The following TMEM108 variants were observed in gnomAD, a reference collection of about 807,000 sequenced individuals.
TMEM108 encodes the protein cancer/testis antigen 124.
In TMEM108, 12 loss-of-function variants were observed where a neutral mutation model predicts 35.1. The ratio of observed to expected loss-of-function variants is 0.34; its 90% CI spans 0.22 to 0.55. The LOEUF is 0.55. Ranked by LOEUF, TMEM108 falls within the 20% of genes least tolerant of loss-of-function variation. The pLI is 0.89. For synonymous variants in TMEM108, 287 were observed against 308.6 expected (o/e 0.93, Z 0.73); for missense variants, 680 against 753.3 (o/e 0.90, Z 1.14).
intron 3 of TMEM108, among the ~76,000 whole-genome samples, chr3:133,239,062 A>T (rs1946277990): frequency 6.6e-6 from 1 of 152,192 alleles, no homozygotes; most frequent in Non-Finnish European, 1.5e-5. Flanking sequence ...GTCCTGGCAT[A>T]CCACAAATTA....
rs768225665 is a variant in TMEM108 at position 133,380,439 on chromosome 3, G to A, written c.728G>A (p.Gly243Asp). The A allele has an allele frequency of 1.9e-6, 3 of 1,614,018 alleles. No individual in the cohort carries two copies. Among genetic ancestry groups the A allele is most frequent in the Non-Finnish European group, 1.7e-6 (2 of 1,179,972 alleles). ...CTCACCCCCAGGACCCCACTCTGGG[G>A]CTACTCCTCTTCACCACAGCCCCAG... The part of the protein sequence containing the change: ...STLTPRTPLW[G>D]YSSSPQPQTV... Residue 243 changes from glycine to aspartate, a missense_variant, in exon 4 of 6, where the codon GGC becomes GAC. Physicochemically the swap from Gly to Asp is moderately conservative, Grantham distance 94 (BLOSUM62 -1). Coordinates refer to ENST00000321871, the MANE Select transcript of TMEM108 (RefSeq NM_023943.4). This position sits in a 1 kb window ranked among gnomAD's most constrained non-coding sequence, Gnocchi z 5.3.
intron 3 of TMEM108, among the ~76,000 whole-genome samples, chr3:133,263,167 G>T (rs982930383): frequency 7.9e-5 from 12 of 152,192 alleles, no homozygotes; most frequent in African/African-American, 2.9e-4. Context: ...GAACTGGAAA[G>T]CTTTTACTTT....
chr3:133,263,365 CTTTG>C (rs1463386603), intron 3 of TMEM108, among the ~76,000 whole-genome samples: 1 of 152,144 alleles, frequency 6.6e-6, no homozygotes. Flanking sequence ...TTCTAGTATA[CTTTG>C]TTTGGGACTG....
intron 2 of TMEM108, among the ~76,000 whole-genome samples, chr3:133,101,924 A>G (rs1944093598): frequency 6.6e-6 from 1 of 152,082 alleles, no homozygotes. Flanking sequence ...GTTATGATTT[A>G]TTTTCCAGTC....
intron 2 of TMEM108, among the ~76,000 whole-genome samples, chr3:133,102,103 G>A (rs1233590464): frequency 6.6e-6 from 1 of 152,104 alleles, no homozygotes; most frequent in African/African-American, 2.4e-5. Flanking sequence ...AGCACAACTC[G>A]CACAAACATA....
intron 2 of TMEM108, among the ~76,000 whole-genome samples, chr3:133,128,398 C>T (rs937352600): frequency 1.3e-5 from 2 of 152,102 alleles, no homozygotes; most frequent in Admixed American, 6.5e-5. Context: ...TTTGACCTGT[C>T]GAATCATTTT....
intron 2 of TMEM108, among the ~76,000 whole-genome samples, chr3:133,165,535 T>C (rs1945024576): frequency 1.3e-5 from 2 of 152,254 alleles, no homozygotes; most frequent in Non-Finnish European, 2.9e-5. Context: ...ATATCTCACT[T>C]TTTGGAAAAA....
intron 2 of TMEM108, chr3:133,074,421 C>G (rs1478076078): frequency 6.6e-6 from 1 of 152,202 alleles, no homozygotes; most frequent in Non-Finnish European, 1.5e-5. Context: ...ATAGCTTAGC[C>G]TACCTTAAAT....
chr3:133,386,735 A>C (rs2073156279), intron 4 of TMEM108: 1 of 1,303,432 alleles, frequency 7.7e-7, no homozygotes, highest in East Asian at 3.0e-5. Flanking sequence ...AGAGCTGCGC[A>C]GTTTACAAAA....
chr3:133,389,893 T>C (rs763356952), intron 4 of TMEM108, among the ~76,000 whole-genome samples: 3 of 148,630 alleles, frequency 2.0e-5, no homozygotes, highest in Admixed American at 6.8e-5. Flanking sequence ...GTAAGTCCTA[T>C]ATAACTATTA....
intron 2 of TMEM108, among the ~76,000 whole-genome samples, chr3:133,056,196 G>A (rs992866293): frequency 3.4e-5 from 5 of 146,182 alleles, no homozygotes; most frequent in Non-Finnish European, 6.0e-5. Context: ...TAAAGACACA[G>A]GCTGATTCCA....
intron 2 of TMEM108, among the ~76,000 whole-genome samples, chr3:133,168,678 A>C (rs1049396760): frequency 1.6e-4 from 24 of 152,198 alleles, no homozygotes; most frequent in African/African-American, 5.5e-4. Flanking sequence ...AAATAAGGGA[A>C]TAAAAGCTGG....
chr3:133,174,436 C>A (rs1945179802), intron 2 of TMEM108, among the ~76,000 whole-genome samples: 1 of 152,212 alleles, frequency 6.6e-6, no homozygotes, highest in Non-Finnish European at 1.5e-5. Flanking sequence ...CCAGTAGGGG[C>A]AGACTGACAC....
At chr3:133,080,347 G>A (rs1329050909) in intron 2 of TMEM108, among the ~76,000 whole-genome samples, 1 of 152,202 alleles carries the variant, frequency 6.6e-6, no homozygotes, top group East Asian at 1.9e-4. Context: ...TTAACTTCCA[G>A]AGGCCTCAAA....
At chr3:133,241,967 A>AT (rs796171265) in intron 3 of TMEM108, among the ~76,000 whole-genome samples, 1 of 151,766 alleles carries the variant, frequency 6.6e-6, no homozygotes, top group South Asian at 2.1e-4. Flanking sequence ...AAATAGTAGA[A>AT]TTTTTTTTCA....
intron 3 of TMEM108, among the ~76,000 whole-genome samples, chr3:133,237,209 T>TAC (rs1290490869): frequency 6.6e-6 from 1 of 152,094 alleles, no homozygotes; most frequent in Non-Finnish European, 1.5e-5. Flanking sequence ...ATGCTGTATG[T>TAC]ACACCTTTGT....
chr3:133,227,489 G>A (rs113655031), intron 2 of TMEM108, among the ~76,000 whole-genome samples: 8 of 150,396 alleles, frequency 5.3e-5, no homozygotes, highest in African/African-American at 9.8e-5. Flanking sequence ...CACCGCGCCC[G>A]GCCTAAGGAA....
At chr3:133,143,903 A>G (rs1197044793) in intron 2 of TMEM108, among the ~76,000 whole-genome samples, 1 of 150,422 alleles carries the variant, frequency 6.6e-6, no homozygotes, top group Non-Finnish European at 1.5e-5. Flanking sequence ...AACATTCTAC[A>G]AGGGAAAGGA....
At chr3:133,215,445 G>A (rs1275155984) in intron 2 of TMEM108, among the ~76,000 whole-genome samples, 2 of 151,686 alleles carry the variant, frequency 1.3e-5, no homozygotes, top group Admixed American at 1.3e-4. Context: ...GAAAGATGGA[G>A]CATCACCTTG....
Sources: allele counts gnomAD v4.1 joint callset (sites outside exome capture counted in the v4.1 genomes callset), GRCh38; gene constraint gnomAD v4.1.1; non-coding constraint Gnocchi (gnomAD v3.1); transcripts MANE v1.5; gene names NCBI Gene and HGNC (gene_info 2026-07-23, HGNC 2026-07-21).